Variants in ARHGEF4 observed in about 807,000 individuals in gnomAD.
ARHGEF4 encodes the protein Rho guanine nucleotide exchange factor 4, also known as APC-stimulated guanine nucleotide exchange factor 1.
A neutral mutation model predicts 162.0 loss-of-function variants in ARHGEF4; 119 were observed. The ratio of observed to expected loss-of-function variants is 0.73; its 90% CI spans 0.63 to 0.86. The LOEUF (loss-of-function observed/expected upper bound fraction) is 0.86. Among genes scored for constraint, ARHGEF4 ranks in the 40% least tolerant of loss-of-function variants. The pLI is 0.00. For missense variants in ARHGEF4, 2,488 were observed against 2,456.0 expected, an observed-to-expected ratio of 1.01 and a Z score of -0.28; for synonymous variants, 1,014 against 979.9, an observed-to-expected ratio of 1.03 and a Z score of -0.65.
Position 130,916,667 on chromosome 2 carries a change from A to G in ARHGEF4, c.2721A>G (p.Ala907=). 1.3e-6 allele frequency: 2 copies of G among 1,550,616 alleles called. No homozygotes were observed. The highest frequency in any genetic ancestry group is 1.7e-6 in the Non-Finnish European group (2 of 1,146,990). Residue 907 remains alanine (A), a synonymous_variant, in exon 2 of 14, where the codon GCA becomes GCG. Coordinates refer to ENST00000409359, the MANE Select transcript of ARHGEF4 (RefSeq NM_001367493.1). The stretch of plus-strand genomic sequence containing the variant: ...AAACAACGGAGAAAAAACTCAGGGC[A>G]AGGTTGGCCTTGGCTCATAAGACCT... ...RLKTTEKKLR[A]RLALAHKTFS... is the part of the protein sequence containing the mutation.
chr2:130,926,601 A>G (rs563109604), intron 2 of ARHGEF4, among the ~76,000 whole-genome samples: 30 of 152,256 alleles, frequency 2.0e-4, no homozygotes, highest in African/African-American at 6.7e-4. Context: ...GTGAAACCCT[A>G]CATTCCTTTA....
At chr2:130,955,623 T>TCAGG in intron 4 of ARHGEF4, among the ~76,000 whole-genome samples, 6 of 152,152 alleles carry the variant, frequency 3.9e-5, no homozygotes, top group Admixed American at 3.9e-4. Flanking sequence ...ACTGTTAAGC[T>TCAGG]CCACTCATTG....
Position 131,038,227 on chromosome 2 carries a change from CCTCCCTCCTGCAGCCTTGCAGCCCAGCCT to C in ARHGEF4, c.4126-601_4126-573del, listed in dbSNP as rs1558887269. 3.3e-5 allele frequency among the ~76,000 whole-genome samples: 5 copies of C among 151,764 alleles called. No individual in the cohort carries two copies. In the East Asian group the frequency reaches 5.8e-4, roughly 18 times the overall value. On this transcript the variant is annotated intron_variant, in intron 5 of 13. Coordinates refer to ENST00000409359, the MANE Select transcript of ARHGEF4 (RefSeq NM_001367493.1). ...CACAGGAGGGCACCAGCCCCCAGCC[CCTCCCTCCTGCAGCCTTGCAGCCCAGCCT>C]CTCCCTCCTGCAGCCTTGCAGCCCT...
Position 130,866,212 on chromosome 2 carries a change from C to CA in ARHGEF4, c.39+29229dup, listed in dbSNP as rs199814779. ...ACAGCAAGGCCACATCTCTAGAGAC[C>CA]AAAAAAAAATTTGTTTTAATAAAAT... On this transcript the variant is annotated intron_variant, in intron 1 of 13. Coordinates refer to ENST00000409359, the MANE Select transcript of ARHGEF4 (RefSeq NM_001367493.1). Among the ~76,000 whole-genome samples, 507 of 151,042 alleles carry CA rather than the reference C, an allele frequency of 3.4e-3. 3 individuals carry two copies. Among genetic ancestry groups the CA allele is most frequent in the African/African-American group, 8.8e-3 (361 of 41,206 alleles).
chr2:131,011,708 G>A, intron 4 of ARHGEF4: 1 of 1,462,244 alleles, frequency 6.8e-7, no homozygotes, highest in Non-Finnish European at 9.3e-7. Context: ...AGGCCAGATG[G>A]GCAGCAAGCT....
intron 4 of ARHGEF4, among the ~76,000 whole-genome samples, chr2:130,977,248 G>T (rs373842090): frequency 1.5e-4 from 23 of 151,764 alleles, no homozygotes; most frequent in African/African-American, 5.6e-4. Flanking sequence ...TGTATGCTGT[G>T]CATGTGTAGT....
Position 131,041,278 on chromosome 2 carries a change from G to C in ARHGEF4, c.4711G>C (p.Ala1571Pro), listed in dbSNP as rs998531092. Residue 1571 changes from alanine to proline, a missense_variant, in exon 9 of 14, where the codon GCC (alanine) becomes CCC (proline). Physicochemically the swap from Ala to Pro is conservative, Grantham distance 27 (BLOSUM62 -1). Around this residue, in one of 6 missense-constraint regions of ARHGEF4, gnomAD observed 415 missense variants for 512.4 expected, o/e 0.81. Coordinates refer to ENST00000409359, the MANE Select transcript of ARHGEF4 (RefSeq NM_001367493.1). ...GGAGTACTGCAATAACCACCCCAAC[G>C]CCTGCGTGGAGCTCTCCCGGCTCAC... The part of the protein sequence containing the change: ...YSEYCNNHPN[A>P]CVELSRLTKL... 1.9e-6 allele frequency: 3 copies of C among 1,613,778 alleles called. No homozygotes were observed.
chr2:130,925,327 G>A (rs1242202077), intron 2 of ARHGEF4, among the ~76,000 whole-genome samples: 3 of 152,000 alleles, frequency 2.0e-5, no homozygotes, highest in Non-Finnish European at 4.4e-5. Context: ...CACAGAAATA[G>A]ACCCACACAA....
At position 130,906,254 on chromosome 2, in the gene ARHGEF4, G is replaced by A. The variant is rs1297373935; in HGVS notation, c.40-7732G>A. ...GAATGGTATTTAGAAACCAAGATTT[G>A]GGTTTGAAGTGTGTTCATAGCCACT... On this transcript the variant is annotated intron_variant, in intron 1 of 13. Transcript: ENST00000409359. 2.0e-5 allele frequency among the ~76,000 whole-genome samples: 3 copies of A among 152,274 alleles called. No individual in the cohort carries two copies. The East Asian group carries it at 5.8e-4, about 29-fold the overall frequency.
At position 131,042,009 on chromosome 2, in the gene ARHGEF4, C is replaced by T; in HGVS notation, c.5025+65C>T. 44 of 1,556,368 alleles carry T rather than the reference C, an allele frequency of 2.8e-5. No individual in the cohort carries two copies. The South Asian group carries it at 3.7e-4, about 13-fold the overall frequency. ...GCCCCTCGCTTTAAAATCATGCTTG[C>T]CCCTGAAAAATCTAGAAGGGAGCTG... On this transcript the variant is annotated intron_variant, in intron 10 of 13. Coordinates refer to ENST00000409359, the MANE Select transcript of ARHGEF4 (RefSeq NM_001367493.1).
chr2:131,012,163 G>A (rs1558849183), intron 4 of ARHGEF4, among the ~76,000 whole-genome samples: 1 of 152,104 alleles, frequency 6.6e-6, no homozygotes, highest in South Asian at 2.1e-4. Flanking sequence ...GAGGGTAGGG[G>A]CAGCAAGGGG....
At chr2:130,896,449 C>T (rs1680164706) in intron 1 of ARHGEF4, among the ~76,000 whole-genome samples, 1 of 152,218 alleles carries the variant, frequency 6.6e-6, no homozygotes, top group African/African-American at 2.4e-5. Flanking sequence ...AGCATGTGGA[C>T]TGCCTGCAGA....
intron 3 of ARHGEF4, among the ~76,000 whole-genome samples, chr2:130,942,199 G>T (rs1244014153): frequency 6.8e-6 from 1 of 146,806 alleles, no homozygotes; most frequent in Admixed American, 6.9e-5. Flanking sequence ...ACTCAGGCTG[G>T]AGTGCAGTGG....
intron 1 of ARHGEF4, among the ~76,000 whole-genome samples, chr2:130,855,517 C>T (rs924640098): frequency 2.0e-5 from 3 of 152,212 alleles, no homozygotes; most frequent in African/African-American, 4.8e-5. Context: ...GCTTAATCTT[C>T]AGCAACAATG....
intron 1 of ARHGEF4, among the ~76,000 whole-genome samples, chr2:130,859,311 T>C (rs1681917630): frequency 1.7e-5 from 1 of 58,622 alleles, no homozygotes; most frequent in African/African-American, 4.1e-5. Flanking sequence ...TTGCTTGAAC[T>C]CAGGAAGCGG....
chr2:131,042,504 G>C (rs1690894867), intron 10 of ARHGEF4, among the ~76,000 whole-genome samples: 2 of 152,146 alleles, frequency 1.3e-5, no homozygotes, highest in South Asian at 2.1e-4. Context: ...GTTCCCGAAG[G>C]CTCCCTACCC....
chr2:130,977,137 GTGTA>G (rs1355163040), intron 4 of ARHGEF4, among the ~76,000 whole-genome samples: 1 of 151,612 alleles, frequency 6.6e-6, no homozygotes, highest in Non-Finnish European at 1.5e-5. Context: ...TGTGATGTCT[GTGTA>G]TGTTAGTGTG....
chr2:130,918,291 C>G (rs1276360146), intron 2 of ARHGEF4, among the ~76,000 whole-genome samples: 1 of 152,176 alleles, frequency 6.6e-6, no homozygotes, highest in Non-Finnish European at 1.5e-5. Context: ...GTAAGATGGT[C>G]TCTCCCACAA....
chr2:131,028,214 A>G lies in ARHGEF4; in HGVS notation c.4125+130A>G, dbSNP rs115027600. On this transcript the variant is annotated intron_variant, in intron 5 of 13. Coordinates refer to ENST00000409359, the MANE Select transcript of ARHGEF4 (RefSeq NM_001367493.1). ...GCTGCTGGTGGTGCTGGCCATACAC[A>G]GCGCAGTTTCAGCCTGCAGTCCTCA... 3.7e-3 allele frequency: 4,894 copies of G among 1,336,780 alleles called. 135 individuals are homozygous for G. In the African/African-American group the frequency reaches 0.061, roughly 17 times the overall value. 82.8% of individuals were successfully genotyped at this position (1,336,780 alleles called of 1,614,324 possible).
Sources: gnomAD v4.1 joint callset for allele counts (sites outside exome capture counted in the v4.1 genomes callset) on GRCh38, gnomAD v4.1.1 for gene constraint, gnomAD v4.1.1 regional missense constraint, MANE v1.5 for transcripts, NCBI Gene and HGNC (gene_info 2026-07-23, HGNC 2026-07-21) for gene names.